The following CDH23 variants were observed in gnomAD, a reference collection of about 807,000 sequenced individuals.
CDH23 encodes cadherin-23.
CDH23 carries 189 observed loss-of-function variants against 317.1 expected under a neutral mutation model. The observed-to-expected ratio is 0.60, with a 90% confidence interval of 0.53 to 0.67. CDH23 has a LOEUF of 0.67. Ranked by LOEUF, CDH23 falls within the 30% of genes least tolerant of loss-of-function variation. The pLI, the probability that CDH23 is intolerant of heterozygous loss-of-function variation, is 0.00. For missense variants in CDH23, 4,401 were observed against 4,592.4 expected, an observed-to-expected ratio of 0.96 and a Z score of 1.20; for synonymous variants, 1,839 against 1,876.8, an observed-to-expected ratio of 0.98 and a Z score of 0.52.
intron 14 of CDH23, among the ~76,000 whole-genome samples, chr10:71,670,966 T>A (rs1429139149): frequency 2.0e-5 from 3 of 149,844 alleles, no homozygotes; most frequent in Non-Finnish European, 4.5e-5. Context: ...GGCATCTTTT[T>A]TTTTTTTTTT....
intron 38 of CDH23, chr10:71,753,887 G>A (rs1366209545): frequency 2.2e-6 from 1 of 456,390 alleles, no homozygotes; most frequent in Non-Finnish European, 4.4e-6. Flanking sequence ...CAGGCTTCGT[G>A]CAGGTGCACA....
rs371016719 is a variant in CDH23, at chr10:71,542,618, C to T, written c.430-24124C>T. Reference sequence around the variant, plus strand: ...TTGCAGGGAGGCTGAGCTCAGCAGGCGCCCACCTAGGCAGGAGGCCGAGAA... The same window carrying T: ...TTGCAGGGAGGCTGAGCTCAGCAGGTGCCCACCTAGGCAGGAGGCCGAGAA... On this transcript the variant is annotated intron_variant, in intron 6 of 69. Coordinates refer to ENST00000224721, the MANE Select transcript of CDH23 (RefSeq NM_022124.6). Among the ~76,000 whole-genome samples, 12 of 152,296 alleles carry T rather than the reference C, an allele frequency of 7.9e-5. 1 individual carries two copies. Among genetic ancestry groups the T allele is most frequent in the Admixed American group, 4.6e-4 (7 of 15,298 alleles).
chr10:71,607,436 G>A (rs534565980), intron 9 of CDH23, among the ~76,000 whole-genome samples: 1 of 152,370 alleles, frequency 6.6e-6, no homozygotes, highest in South Asian at 2.1e-4. Context: ...AGGATAGTGT[G>A]TCTGTCTCAG....
intron 11 of CDH23, among the ~76,000 whole-genome samples, chr10:71,623,210 G>A (rs537852586): frequency 6.6e-6 from 1 of 152,338 alleles, no homozygotes; most frequent in South Asian, 2.1e-4. Context: ...TCCTGACTGT[G>A]GTCCCAGAAA....
At chr10:71,618,162 C>T (rs535999359) in intron 11 of CDH23, among the ~76,000 whole-genome samples, 59 of 152,090 alleles carry the variant, frequency 3.9e-4, no homozygotes, top group Non-Finnish European at 7.4e-4. Context: ...AGCTTTTCCA[C>T]GTGAAGAGTG....
At position 71,609,993 on chromosome 10, in the gene CDH23, T is replaced by TGAGA. The variant is rs1269367633; in HGVS notation, c.833-5510_833-5509insAGAG. 4.3e-3 allele frequency among the ~76,000 whole-genome samples: 594 copies of TGAGA among 137,772 alleles called. 11 individuals carry two copies. Among genetic ancestry groups the TGAGA allele is most frequent in the East Asian group, 0.018 (82 of 4,674 alleles). The allele number at this position is 137,772 out of a possible 152,430, so 90.4% of individuals were successfully genotyped here. On this transcript the variant is annotated intron_variant, in intron 9 of 69. Transcript: ENST00000224721. ...GTGTGTGTGTGTGTGTGTGTGTGTGTGTGAGAGAGACAGAGAGACGAGAGA... is the reference window on the plus strand; with the variant it reads ...GTGTGTGTGTGTGTGTGTGTGTGTGTGAGAGTGAGAGAGACAGAGAGACGAGAGA...
intron 20 of CDH23, among the ~76,000 whole-genome samples, chr10:71,692,284 C>A (rs146804534): frequency 1.3e-5 from 2 of 152,192 alleles, no homozygotes; most frequent in Admixed American, 1.3e-4. Flanking sequence ...TAGCCACCCC[C>A]GCCCTTGCCT....
intron 9 of CDH23, among the ~76,000 whole-genome samples, chr10:71,579,186 G>A (rs1858454440): frequency 6.6e-6 from 1 of 152,174 alleles, no homozygotes; most frequent in Non-Finnish European, 1.5e-5. Flanking sequence ...GAAGCTAGGG[G>A]TTAGCTAGTA....
At chr10:71,619,402 G>A (rs151298690) in intron 11 of CDH23, among the ~76,000 whole-genome samples, 78 of 152,108 alleles carry the variant, frequency 5.1e-4, no homozygotes, top group Non-Finnish European at 8.4e-4. Context: ...ATAAAAACAA[G>A]TTCTAATATG....
chr10:71,752,616 C>T (rs7074978), intron 38 of CDH23, among the ~76,000 whole-genome samples: 34,836 of 152,094 alleles, frequency 0.23, 4,187 homozygotes, highest in Non-Finnish European at 0.27. Flanking sequence ...GAGTTCTCTG[C>T]GGGCAGGAGG....
chr10:71,773,663 C>A (rs540581516), intron 38 of CDH23, among the ~76,000 whole-genome samples: 18 of 152,156 alleles, frequency 1.2e-4, no homozygotes, highest in Admixed American at 1.2e-3. Context: ...AGGCCGGCCC[C>A]GTGGGTGGGG....
chr10:71,577,744 C>T (rs902372752), intron 8 of CDH23, among the ~76,000 whole-genome samples, 170 bp from the exon 9 acceptor site: 5 of 152,206 alleles, frequency 3.3e-5, no homozygotes, highest in Non-Finnish European at 7.3e-5. Flanking sequence ...TGCCTGGGAA[C>T]TGCAGTGTGT....
intron 22 of CDH23, among the ~76,000 whole-genome samples, chr10:71,697,837 C>T (rs560184864): frequency 1.2e-4 from 18 of 152,316 alleles, no homozygotes; most frequent in Middle Eastern, 3.4e-3. Flanking sequence ...AGGAGTCAGC[C>T]GCATCATCCC....
chr10:71,637,897 C>G (rs957539154), intron 11 of CDH23, among the ~76,000 whole-genome samples: 4 of 151,392 alleles, frequency 2.6e-5, no homozygotes, highest in African/African-American at 7.3e-5. Context: ...CTGAGGCCAC[C>G]CTGCCTTCAC....
intron 44 of CDH23, among the ~76,000 whole-genome samples, chr10:71,788,443 C>G (rs140040612): frequency 8.7e-4 from 132 of 152,168 alleles, no homozygotes; most frequent in African/African-American, 3.0e-3. Flanking sequence ...ATTAGCAACA[C>G]TAAGCATTTT....
intron 9 of CDH23, among the ~76,000 whole-genome samples, chr10:71,606,020 C>T (rs990669268): frequency 6.6e-5 from 10 of 152,326 alleles, no homozygotes; most frequent in Admixed American, 3.9e-4. Context: ...TACAGGGAGC[C>T]ATGCACAGTG....
intron 9 of CDH23, among the ~76,000 whole-genome samples, chr10:71,603,585 G>A (rs945813210): frequency 3.9e-5 from 6 of 152,200 alleles, no homozygotes; most frequent in Admixed American, 1.3e-4. Context: ...CCCAGGCCCC[G>A]GAGGTAACCG....
intron 14 of CDH23, among the ~76,000 whole-genome samples, chr10:71,655,174 G>C (rs1049490444): frequency 1.3e-5 from 2 of 152,136 alleles, no homozygotes; most frequent in African/African-American, 4.8e-5. Context: ...AGCTCTCCGT[G>C]ACTGGGAAGT....
intron 38 of CDH23, among the ~76,000 whole-genome samples, chr10:71,746,992 C>T (rs1441687852): frequency 6.6e-6 from 1 of 152,170 alleles, no homozygotes. Context: ...GTGAACTCTG[C>T]TTCCCCTGGC....
Sources: gnomAD v4.1 joint callset for allele counts (sites outside exome capture counted in the v4.1 genomes callset) on GRCh38, gnomAD v4.1.1 for gene constraint, MANE v1.5 for transcripts, NCBI Gene and HGNC (gene_info 2026-07-23, HGNC 2026-07-21) for gene names.